Variants in RBPJ observed in about 807,000 individuals in gnomAD.
RBPJ encodes the protein recombining binding protein suppressor of hairless.
A neutral mutation model predicts 67.8 loss-of-function variants in RBPJ; 9 were observed. The observed-to-expected ratio is 0.13, with a 90% CI of 0.08 to 0.23. The LOEUF is 0.23. Ranked by LOEUF, RBPJ falls within the 10% of genes least tolerant of loss-of-function variation. The probability of loss-of-function intolerance (pLI) is 1.00; values close to 1 mark genes in which losing one functional copy is unlikely to be tolerated. For missense variants in RBPJ, 305 were observed against 595.6 expected, an observed-to-expected ratio of 0.51 and a Z score of 5.08; for synonymous variants, 198 against 203.3, an observed-to-expected ratio of 0.97 and a Z score of 0.22.
upstream of RBPJ, among the ~76,000 whole-genome samples, chr4:26,314,925 C>G (rs189984528): frequency 6.6e-6 from 1 of 151,544 alleles, no homozygotes; most frequent in Admixed American, 6.6e-5. Context: ...GGTGGGCAGA[C>G]CATGAGATCA....
In RBPJ at chr4:26,269,236, T is replaced by C. The variant is rs868053177; in HGVS notation, c.-166-93210T>C. On this transcript the variant is annotated intron_variant, in intron 1 of 4. Transcript: ENST00000512351. ...ATTTATTTATTTATTTAATTTATTT[T>C]TTATTATTTATTTATTTATTTATTT... 3.3e-5 allele frequency among the ~76,000 whole-genome samples: 5 copies of C among 149,990 alleles called. No individual in the cohort carries two copies. The South Asian group carries it at 1.0e-3, about 31-fold the overall frequency.
intron 1 of RBPJ, chr4:26,384,010 C>G (rs1306805934): frequency 6.6e-6 from 1 of 152,120 alleles, no homozygotes; most frequent in Non-Finnish European, 1.5e-5. Context: ...GGGGCTCACA[C>G]CACCATGCCG....
chr4:26,297,073 T>A (rs1279154925), intron 1 of RBPJ, among the ~76,000 whole-genome samples: 1 of 152,156 alleles, frequency 6.6e-6, no homozygotes, highest in East Asian at 1.9e-4. Flanking sequence ...GGCAGGAGGA[T>A]CGCTTGAGCC....
intron 1 of RBPJ, among the ~76,000 whole-genome samples, chr4:26,215,268 G>A (rs191861268): frequency 1.1e-5 from 1 of 91,140 alleles, no homozygotes; most frequent in Non-Finnish European, 2.1e-5. Context: ...AGGAAGGGAG[G>A]GAGGAAAAAG....
chr4:26,158,409 G>T, the RBPJ span, among the ~76,000 whole-genome samples: 2 of 152,138 alleles, frequency 1.3e-5, no homozygotes, highest in African/African-American at 4.8e-5. Context: ...CGGATAAATT[G>T]CATTTACCCT....
At chr4:26,411,485 G>A (rs1046095601) in intron 3 of RBPJ, among the ~76,000 whole-genome samples, 1 of 151,520 alleles carries the variant, frequency 6.6e-6, no homozygotes, top group Admixed American at 6.6e-5. Flanking sequence ...TTTAAGGTAT[G>A]ATTTTATCAG....
chr4:26,243,505 A>T (rs1163389286), intron 1 of RBPJ, among the ~76,000 whole-genome samples: 3 of 152,240 alleles, frequency 2.0e-5, no homozygotes, highest in Non-Finnish European at 4.4e-5. Context: ...ATATTAATGA[A>T]TAAGATGTTT....
chr4:26,211,784 C>T (rs1159036718), intron 1 of RBPJ, among the ~76,000 whole-genome samples: 3 of 152,240 alleles, frequency 2.0e-5, no homozygotes, highest in South Asian at 4.2e-4. Flanking sequence ...AAGTCTGAAC[C>T]TCTAATGCCC....
the RBPJ span, among the ~76,000 whole-genome samples, chr4:26,109,477 T>TACACACACACACAC: frequency 1.9e-5 from 1 of 53,006 alleles, no homozygotes; most frequent in Non-Finnish European, 3.7e-5. Context: ...TATATATATA[T>TACACACACACACAC]ATATATATAT....
At chr4:26,177,491 C>T (rs544474003) in intron 1 of RBPJ, among the ~76,000 whole-genome samples, 7 of 152,010 alleles carry the variant, frequency 4.6e-5, no homozygotes, top group South Asian at 2.1e-4. Context: ...GTGGGAGGAT[C>T]GCTTGAACCC....
At chr4:26,412,455 C>T (rs1049807788) in intron 3 of RBPJ, among the ~76,000 whole-genome samples, 1 of 152,174 alleles carries the variant, frequency 6.6e-6, no homozygotes, top group Non-Finnish European at 1.5e-5. Context: ...TGGTCTTGAA[C>T]TCCTGGCCTC....
At chr4:26,409,246 A>C (rs1469139461) in intron 3 of RBPJ, among the ~76,000 whole-genome samples, 1 of 152,108 alleles carries the variant, frequency 6.6e-6, no homozygotes, top group Non-Finnish European at 1.5e-5. Flanking sequence ...GTTAAAGTCC[A>C]GATAAGGTTC....
chr4:26,169,307 C>T (rs1223987527), intron 1 of RBPJ, among the ~76,000 whole-genome samples: 4 of 152,352 alleles, frequency 2.6e-5, no homozygotes, highest in South Asian at 4.1e-4. Flanking sequence ...CCCTCAGCTG[C>T]AGGTCTGTTG....
At chr4:26,226,464 G>A (rs1038269957) in intron 1 of RBPJ, among the ~76,000 whole-genome samples, 4 of 152,122 alleles carry the variant, frequency 2.6e-5, no homozygotes, top group African/African-American at 9.7e-5. Context: ...GACAGAATGA[G>A]GACCTGTCTC....
chr4:26,307,287 A>T (rs887878318), intron 1 of RBPJ, among the ~76,000 whole-genome samples: 3 of 152,230 alleles, frequency 2.0e-5, no homozygotes, highest in Admixed American at 2.0e-4. Context: ...GCATCCCTTT[A>T]ACTAGAAAGC....
chr4:26,393,309 T>G (rs753764144), intron 2 of RBPJ, among the ~76,000 whole-genome samples: 2 of 152,220 alleles, frequency 1.3e-5, no homozygotes, highest in Non-Finnish European at 2.9e-5. Context: ...TTTATTTTAT[T>G]AAGCACAAAC....
intron 1 of RBPJ, among the ~76,000 whole-genome samples, chr4:26,183,432 G>C (rs1032830432): frequency 6.6e-6 from 1 of 152,180 alleles, no homozygotes; most frequent in African/African-American, 2.4e-5. Context: ...GTCCATTCTT[G>C]TTAATAACCA....
intron 1 of RBPJ, among the ~76,000 whole-genome samples, chr4:26,261,340 G>C (rs1720527054): frequency 6.6e-6 from 1 of 151,590 alleles, no homozygotes; most frequent in Non-Finnish European, 1.5e-5. Flanking sequence ...TTTTAAGGTA[G>C]AGGTTAAAAA....
chr4:26,417,434 C>G (rs551235980), intron 4 of RBPJ, among the ~76,000 whole-genome samples: 111 of 152,196 alleles, frequency 7.3e-4, no homozygotes, highest in African/African-American at 2.5e-3. Context: ...TTCCCCAAGG[C>G]CTAGAAACTG....
Sources: allele counts gnomAD v4.1 joint callset (sites outside exome capture counted in the v4.1 genomes callset), GRCh38; gene constraint gnomAD v4.1.1; transcripts MANE v1.5; gene names NCBI Gene and HGNC (gene_info 2026-07-23, HGNC 2026-07-21).